Variants in ATL2 observed in about 807,000 individuals in gnomAD.
The protein encoded by ATL2 is atlastin GTPase 2, also known as atlastin-2.
Under a neutral mutation model 73.9 loss-of-function variants are expected in ATL2, and 31 were observed. The ratio of observed to expected loss-of-function variants is 0.42; its 90% CI spans 0.32 to 0.57. The LOEUF (loss-of-function observed/expected upper bound fraction) is 0.57. Among genes scored for constraint, ATL2 ranks in the 20% least tolerant of loss-of-function variants. The pLI, the probability that ATL2 is intolerant of heterozygous loss-of-function variation, is 0.14. For synonymous variants in ATL2, 291 were observed against 237.5 expected (o/e 1.23, Z -2.07); for missense variants, 738 against 702.6 (o/e 1.05, Z -0.57).
chr2:38,331,139 T>C (rs1215036355), intron 2 of ATL2, among the ~76,000 whole-genome samples: 2 of 151,344 alleles, frequency 1.3e-5, no homozygotes, highest in African/African-American at 4.9e-5. Flanking sequence ...TCTACTAACA[T>C]ACAAAAAAAA....
intron 12 of ATL2, 67 bp downstream of exon 12, chr2:38,298,077 C>T (rs953461450): frequency 9.0e-6 from 13 of 1,447,462 alleles, no homozygotes; most frequent in Non-Finnish European, 1.2e-5. Flanking sequence ...AGTACAAATA[C>T]TGCAAAGGAT....
At chr2:38,339,328 G>A (rs1669562291) in intron 2 of ATL2, among the ~76,000 whole-genome samples, 1 of 152,098 alleles carries the variant, frequency 6.6e-6, no homozygotes, top group South Asian at 2.1e-4. Flanking sequence ...TAGAGATCCT[G>A]GAATAGAAAG....
intron 2 of ATL2, among the ~76,000 whole-genome samples, chr2:38,336,698 A>C (rs1669375344): frequency 6.6e-6 from 1 of 152,216 alleles, no homozygotes; most frequent in Non-Finnish European, 1.5e-5. Flanking sequence ...TCTCGAATTT[A>C]AGTCTTGCCA....
chr2:38,363,733 A>G (rs913301687), intron 1 of ATL2, among the ~76,000 whole-genome samples: 21 of 152,230 alleles, frequency 1.4e-4, no homozygotes, highest in African/African-American at 5.1e-4. Flanking sequence ...CCTACTTCAC[A>G]CTGGTAACTA....
intron 1 of ATL2, among the ~76,000 whole-genome samples, chr2:38,352,133 CAAAAAAAAA>C (rs778821586): frequency 0.08 from 2,575 of 32,016 alleles, 53 homozygotes; most frequent in Middle Eastern, 0.18. Flanking sequence ...AAACAACAAC[CAAAAAAAAA>C]AAAAAAAAAA....
upstream of ATL2, among the ~76,000 whole-genome samples, chr2:38,377,778 AC>A (rs1013012009): frequency 1.2e-4 from 6 of 48,780 alleles, no homozygotes; most frequent in African/African-American, 2.4e-4. Context: ...CTCCCCATCC[AC>A]CCCCCAAGTT....
intron 1 of ATL2, among the ~76,000 whole-genome samples, chr2:38,345,104 G>A (rs781410859): frequency 2.6e-5 from 4 of 151,846 alleles, no homozygotes; most frequent in South Asian, 2.1e-4. Context: ...TTGATCCCAC[G>A]TAGCAACTAG....
At position 38,310,377 on chromosome 2, in the gene ATL2, C is replaced by G; in HGVS notation, c.875G>C (p.Gly292Ala). ...ACCAGGATGTGGCAAAAGGAAGCAA[C>G]CAAGATTTGAGAAACAATTGTGTAT... ...KHIHNCFSNLGCFLLPHPGLK... is the reference protein window; with the variant it reads ...KHIHNCFSNLACFLLPHPGLK... Residue 292 changes from glycine (G) to alanine (A), a missense_variant, in exon 8 of 13, where the codon GGT becomes GCT. Gly to Ala is a moderately conservative substitution (Grantham distance 60). Transcript: ENST00000378954. The G allele has an allele frequency of 6.2e-7, 1 of 1,609,430 alleles. No homozygotes were observed. The highest frequency in any genetic ancestry group is 8.5e-7 in the Non-Finnish European group (1 of 1,178,166).
At chr2:38,370,022 C>T (rs1367197954) in intron 1 of ATL2, among the ~76,000 whole-genome samples, 1 of 150,748 alleles carries the variant, frequency 6.6e-6, no homozygotes, top group East Asian at 2.0e-4. Context: ...GGCGAGGTGG[C>T]GGGCGCCTGT....
At chr2:38,300,458 C>G in intron 9 of ATL2, 130 bp from the exon 10 acceptor site, 3 of 596,142 alleles carry the variant, frequency 5.0e-6, no homozygotes, top group Non-Finnish European at 8.8e-6. Context: ...TTAAAAATCA[C>G]CTTATTCCAA....
At chr2:38,351,259 GT>G (rs1280379059) in intron 1 of ATL2, among the ~76,000 whole-genome samples, 1 of 152,036 alleles carries the variant, frequency 6.6e-6, no homozygotes, top group Non-Finnish European at 1.5e-5. Context: ...AAGTATTCAA[GT>G]TTATTCTAGC....
At chr2:38,354,846 T>C (rs1670568717) in intron 1 of ATL2, among the ~76,000 whole-genome samples, 2 of 151,990 alleles carry the variant, frequency 1.3e-5, no homozygotes, top group Admixed American at 6.6e-5. Context: ...GCCGAGATTG[T>C]GCCATTGCAC....
At chr2:38,337,081 A>C (rs1393559661) in intron 2 of ATL2, among the ~76,000 whole-genome samples, 1 of 152,136 alleles carries the variant, frequency 6.6e-6, no homozygotes, top group Non-Finnish European at 1.5e-5. Flanking sequence ...TCAACAAATA[A>C]ATTGCCAAGA....
rs1667930493 is a variant in ATL2 at position 38,314,602 on chromosome 2, T to C, written c.711+6A>G. 2 of 1,591,930 alleles carry C rather than the reference T, an allele frequency of 1.3e-6. No homozygotes were observed. Among genetic ancestry groups the C allele is most frequent in the African/African-American group, 2.7e-5 (2 of 74,450 alleles). ...AATCTTTAAAATGTTAGAATAACTT[T>C]TTTACCTGAAATGGTTTCTGGTAGA... is the stretch of plus-strand genomic sequence containing the variant. On this transcript the variant is annotated splice_donor_region_variant and intron_variant, in intron 6 of 12. Coordinates refer to ENST00000378954, the MANE Select transcript of ATL2 (RefSeq NM_001135673.4).
At chr2:38,374,309 G>A (rs1205162621) in intron 1 of ATL2, among the ~76,000 whole-genome samples, 2 of 152,186 alleles carry the variant, frequency 1.3e-5, no homozygotes, top group Non-Finnish European at 2.9e-5. Context: ...GTGGAATCAA[G>A]TTCAGTTATT....
At chr2:38,308,577 T>C (rs1054784455) in intron 9 of ATL2, among the ~76,000 whole-genome samples, 1 of 152,066 alleles carries the variant, frequency 6.6e-6, no homozygotes, top group African/African-American at 2.4e-5. Flanking sequence ...TAACTTACTA[T>C]ACATTTTAAA....
chr2:38,354,702 C>T (rs190559592), intron 1 of ATL2, among the ~76,000 whole-genome samples: 60 of 152,072 alleles, frequency 3.9e-4, no homozygotes, highest in Non-Finnish European at 5.4e-4. Context: ...CCAGCCTGAC[C>T]AACATGGAGA....
intron 8 of ATL2, 99 bp from the exon 9 acceptor site, chr2:38,309,605 A>T: frequency 8.3e-7 from 1 of 1,199,722 alleles, no homozygotes; most frequent in Non-Finnish European, 1.2e-6. Flanking sequence ...AAGAATACAT[A>T]GTATCTATTA....
intron 1 of ATL2, among the ~76,000 whole-genome samples, chr2:38,352,133 C>CAAAAAAAAAAAAAAAAA (rs778821586): frequency 6.3e-5 from 2 of 31,998 alleles, no homozygotes. Context: ...AAACAACAAC[C>CAAAAAAAAAAAAAAAAA]AAAAAAAAAA....
Sources: gnomAD v4.1 joint callset for allele counts (sites outside exome capture counted in the v4.1 genomes callset) on GRCh38, gnomAD v4.1.1 for gene constraint, MANE v1.5 for transcripts, NCBI Gene and HGNC (gene_info 2026-07-23, HGNC 2026-07-21) for gene names.